Variants in RANBP2 observed in about 807,000 individuals in gnomAD.
The protein encoded by RANBP2 is RAN binding protein 2, also known as E3 SUMO-protein ligase RanBP2.
In RANBP2, 57 loss-of-function variants were observed where a neutral mutation model predicts 303.6. The ratio of observed to expected loss-of-function variants is 0.19; its 90% CI spans 0.15 to 0.23. The LOEUF (loss-of-function observed/expected upper bound fraction) is 0.23. Ranked by LOEUF, RANBP2 falls within the 10% of genes least tolerant of loss-of-function variation. The pLI, the probability that RANBP2 is intolerant of heterozygous loss-of-function variation, is 1.00. For synonymous variants in RANBP2, 1,167 were observed against 1,301.5 expected (o/e 0.90, Z 2.23); for missense variants, 3,138 against 3,780.8 (o/e 0.83, Z 4.46).
At chr2:109,667,894 A>AG in the RANBP2 span, 1 of 199,830 alleles carries the variant, frequency 5.0e-6, no homozygotes, top group Middle Eastern at 1.0e-3. Flanking sequence ...AAGCAGAAGG[A>AG]GAAGCTGAAG....
At chr2:109,062,938 C>A in the RANBP2 span, among the ~76,000 whole-genome samples, 1 of 152,180 alleles carries the variant, frequency 6.6e-6, no homozygotes, top group Non-Finnish European at 1.5e-5. Flanking sequence ...CTGGTGCCAA[C>A]TGCAGGCAGC....
the RANBP2 span, among the ~76,000 whole-genome samples, chr2:109,740,650 T>C: frequency 4.5e-4 from 68 of 151,886 alleles, no homozygotes; most frequent in Non-Finnish European, 8.8e-4. Flanking sequence ...ATTAAAGATA[T>C]TAGTAAAATT....
At chr2:109,131,316 G>C in the RANBP2 span, among the ~76,000 whole-genome samples, 1 of 152,004 alleles carries the variant, frequency 6.6e-6, no homozygotes, top group African/African-American at 2.4e-5. Context: ...TCACTTGGGG[G>C]GCACTGCTGA....
At chr2:109,316,610 C>T in the RANBP2 span, among the ~76,000 whole-genome samples, 1 of 152,200 alleles carries the variant, frequency 6.6e-6, no homozygotes, top group Non-Finnish European at 1.5e-5. Context: ...AGAGAATTCC[C>T]ATAGACCTCC....
At chr2:108,729,822 A>C (rs887299029) in intron 2 of RANBP2, among the ~76,000 whole-genome samples, 9 of 151,564 alleles carry the variant, frequency 5.9e-5, no homozygotes, top group Admixed American at 2.6e-4. Context: ...TGGGCTCAAG[A>C]GATCTTCCCA....
intron 4 of RANBP2, among the ~76,000 whole-genome samples, chr2:108,732,288 C>G (rs1234789414): frequency 6.6e-6 from 1 of 151,990 alleles, no homozygotes. Flanking sequence ...CTTCATTTTT[C>G]CCCAATGCTT....
At chr2:109,373,241 G>A in the RANBP2 span, among the ~76,000 whole-genome samples, 4,503 of 152,290 alleles carry the variant, frequency 0.03, 229 homozygotes, top group African/African-American at 0.097. Context: ...AACTTAATGC[G>A]CGAATACCAC....
At chr2:108,786,808 C>T (rs780012510), downstream of RANBP2, 12 of 1,577,694 alleles carry the variant, frequency 7.6e-6, no homozygotes, top group East Asian at 1.4e-4. Flanking sequence ...GAGACTGGTA[C>T]GGTTGCTGTG....
chr2:108,958,354 C>T, the RANBP2 span, among the ~76,000 whole-genome samples: 2 of 151,700 alleles, frequency 1.3e-5, no homozygotes, highest in Non-Finnish European at 2.9e-5. Flanking sequence ...GATAAATACA[C>T]AGGGAATTGC....
At chr2:109,322,911 TG>T in the RANBP2 span, among the ~76,000 whole-genome samples, 1 of 152,162 alleles carries the variant, frequency 6.6e-6, no homozygotes, top group Non-Finnish European at 1.5e-5. Context: ...GGCCAAGAGG[TG>T]GCTTTTCCCT....
the RANBP2 span, among the ~76,000 whole-genome samples, chr2:109,379,379 A>G: frequency 6.6e-6 from 1 of 152,214 alleles, no homozygotes; most frequent in Non-Finnish European, 1.5e-5. Flanking sequence ...GAGATGGGTT[A>G]CAACCAAACG....
At chr2:109,465,166 G>T in the RANBP2 span, among the ~76,000 whole-genome samples, 3 of 152,126 alleles carry the variant, frequency 2.0e-5, no homozygotes, top group Admixed American at 1.3e-4. Flanking sequence ...GTTCTTTTTA[G>T]CACTGAATAA....
At chr2:109,344,923 G>C in the RANBP2 span, among the ~76,000 whole-genome samples, 1 of 152,182 alleles carries the variant, frequency 6.6e-6, no homozygotes, top group East Asian at 1.9e-4. Flanking sequence ...GGACATCACA[G>C]GCACAGGTTG....
chr2:109,683,120 C>T, the RANBP2 span, among the ~76,000 whole-genome samples: 2 of 152,156 alleles, frequency 1.3e-5, no homozygotes, highest in African/African-American at 4.8e-5. Flanking sequence ...ATTCTCCTGC[C>T]TCACCCTCCC....
At chr2:109,403,361 G>A in the RANBP2 span, among the ~76,000 whole-genome samples, 1 of 152,304 alleles carries the variant, frequency 6.6e-6, no homozygotes. Context: ...TTCCCCGACT[G>A]TGTGGCCCAC....
the RANBP2 span, among the ~76,000 whole-genome samples, chr2:109,325,183 G>A: frequency 3.6e-3 from 545 of 152,194 alleles, 6 homozygotes; most frequent in African/African-American, 0.012. Flanking sequence ...TTAATTTTCT[G>A]TGAAGATCAG....
intron 17 of RANBP2, among the ~76,000 whole-genome samples, chr2:108,756,055 T>TCC (rs1426601110): frequency 1.3e-5 from 2 of 152,122 alleles, no homozygotes; most frequent in Non-Finnish European, 2.9e-5. Flanking sequence ...ACTTTATGTG[T>TCC]CTCTCTCTTC....
the RANBP2 span, chr2:108,882,822 G>C: frequency 6.6e-6 from 1 of 152,298 alleles, no homozygotes; most frequent in South Asian, 2.1e-4. Context: ...GTCTTCCCTA[G>C]ATAAATGGAA....
At chr2:108,780,790 A>C (rs1449840317) in intron 25 of RANBP2, among the ~76,000 whole-genome samples, 1 of 150,464 alleles carries the variant, frequency 6.6e-6, no homozygotes, top group Non-Finnish European at 1.5e-5. Context: ...GCTCACCGCA[A>C]CCTCCGCCTC....
Sources: allele counts gnomAD v4.1 joint callset (sites outside exome capture counted in the v4.1 genomes callset), GRCh38; gene constraint gnomAD v4.1.1; transcripts MANE v1.5; gene names NCBI Gene and HGNC (gene_info 2026-07-23, HGNC 2026-07-21).